XKR9: variants seen among roughly 807,000 people sequenced by gnomAD.
XKR9 encodes the protein XK-related protein 9.
XKR9 carries 32 observed loss-of-function variants against 32.0 expected under a neutral mutation model. That is an observed-to-expected ratio of 1.00 (90% CI 0.76 to 1.34). XKR9 has a LOEUF of 1.34. Among genes scored for constraint, XKR9 ranks in the 40% most tolerant of loss-of-function variants. The probability of loss-of-function intolerance (pLI) is 0.00; values close to 1 mark genes in which losing one functional copy is unlikely to be tolerated. For synonymous variants in XKR9, 168 were observed against 143.4 expected (o/e 1.17, Z -1.22); for missense variants, 546 against 429.7 (o/e 1.27, Z -2.39).
the XKR9 span, among the ~76,000 whole-genome samples, chr8:70,854,572 G>A: frequency 6.6e-6 from 1 of 152,132 alleles, no homozygotes; most frequent in Non-Finnish European, 1.5e-5. Context: ...ATTGCTTTCG[G>A]TGTTTTAGTC....
the XKR9 span, among the ~76,000 whole-genome samples, chr8:70,984,061 T>C: frequency 6.6e-6 from 1 of 152,202 alleles, no homozygotes; most frequent in Non-Finnish European, 1.5e-5. Context: ...GAAATTATCT[T>C]TATTTTTTGA....
chr8:70,960,249 C>T, the XKR9 span, among the ~76,000 whole-genome samples: 9 of 140,094 alleles, frequency 6.4e-5, no homozygotes, highest in East Asian at 1.8e-3. Context: ...CCGTCCCCCC[C>T]AAAAAAAAAA....
At chr8:70,706,817 T>C in intron 3 of XKR9, 116 bp from the exon 4 acceptor site, 1 of 846,888 alleles carries the variant, frequency 1.2e-6, no homozygotes, top group South Asian at 2.0e-5. Flanking sequence ...AGAGAGAGTT[T>C]GTGGAAAAAC....
the XKR9 span, among the ~76,000 whole-genome samples, chr8:70,811,944 G>A: frequency 1.3e-5 from 2 of 151,996 alleles, no homozygotes; most frequent in African/African-American, 2.4e-5. Context: ...CATTTTATGA[G>A]GCCAGCATCA....
At chr8:70,779,079 G>A (rs12542832) in intron 2 of XKR9, among the ~76,000 whole-genome samples, 16,467 of 152,142 alleles carry the variant, frequency 0.11, 1,418 homozygotes, top group Admixed American at 0.28. Context: ...GATATTGGCT[G>A]TGGGTTTGTC....
chr8:70,744,757 C>CTGTATAGAATGTATATAATATAGAATG (rs1554553503), intron 2 of XKR9, among the ~76,000 whole-genome samples: 10 of 150,952 alleles, frequency 6.6e-5, no homozygotes, highest in Non-Finnish European at 7.4e-5. Flanking sequence ...AGGTGTGCAC[C>CTGTATAGAATGTATATAATATAGAATG]ACCACGCCTG....
the XKR9 span, among the ~76,000 whole-genome samples, chr8:71,042,718 C>A: frequency 6.6e-6 from 1 of 152,020 alleles, no homozygotes; most frequent in African/African-American, 2.4e-5. Context: ...TTAACACATT[C>A]ACCTTTATGT....
chr8:70,847,216 A>T, the XKR9 span, among the ~76,000 whole-genome samples: 1 of 152,216 alleles, frequency 6.6e-6, no homozygotes, highest in South Asian at 2.1e-4. Flanking sequence ...AATACTTGGA[A>T]ATTAAATAAC....
chr8:70,836,899 G>GT, the XKR9 span, among the ~76,000 whole-genome samples: 1 of 152,006 alleles, frequency 6.6e-6, no homozygotes, highest in Non-Finnish European at 1.5e-5. Flanking sequence ...TTATTTTAAA[G>GT]TTTTTTAAAA....
chr8:70,956,008 A>G, the XKR9 span, among the ~76,000 whole-genome samples: 1 of 152,238 alleles, frequency 6.6e-6, no homozygotes, highest in Admixed American at 6.5e-5. Context: ...AGAAGGTGTC[A>G]CAACCCTGGC....
the XKR9 span, among the ~76,000 whole-genome samples, chr8:70,849,801 C>T: frequency 2.0e-5 from 3 of 152,078 alleles, no homozygotes; most frequent in African/African-American, 7.2e-5. Flanking sequence ...CCACTAATCC[C>T]ACAGAATTAC....
At chr8:70,841,484 C>CT in the XKR9 span, among the ~76,000 whole-genome samples, 35 of 152,284 alleles carry the variant, frequency 2.3e-4, no homozygotes, top group South Asian at 1.9e-3. Context: ...CCTGTGTTGT[C>CT]TTTATCTATT....
intron 2 of XKR9, among the ~76,000 whole-genome samples, chr8:70,769,047 G>T (rs536041531): frequency 1.9e-4 from 29 of 152,206 alleles, no homozygotes; most frequent in Middle Eastern, 6.8e-3. Context: ...ATTTTGGTAT[G>T]TTTTTATAGT....
the XKR9 span, among the ~76,000 whole-genome samples, chr8:70,985,940 A>G: frequency 6.6e-6 from 1 of 152,154 alleles, no homozygotes; most frequent in Non-Finnish European, 1.5e-5. Context: ...TTATAGTTGT[A>G]TTTATATCGA....
chr8:70,858,499 GA>G, the XKR9 span, among the ~76,000 whole-genome samples: 1 of 151,368 alleles, frequency 6.6e-6, no homozygotes, highest in African/African-American at 2.4e-5. Flanking sequence ...CACAGAAATA[GA>G]AAAAAAATCT....
chr8:70,722,244 T>C (rs1806308133), intron 4 of XKR9, among the ~76,000 whole-genome samples: 1 of 152,168 alleles, frequency 6.6e-6, no homozygotes, highest in Non-Finnish European at 1.5e-5. Flanking sequence ...TCTTGACTTT[T>C]TATCCAACTT....
chr8:70,956,074 C>T, the XKR9 span, among the ~76,000 whole-genome samples: 1 of 152,186 alleles, frequency 6.6e-6, no homozygotes, highest in African/African-American at 2.4e-5. Flanking sequence ...CTCTCCTTCT[C>T]ATCGCTTGCA....
At chr8:70,776,990 G>A (rs189475696) in intron 2 of XKR9, among the ~76,000 whole-genome samples, 2 of 115,310 alleles carry the variant, frequency 1.7e-5, no homozygotes, top group East Asian at 2.3e-4. Context: ...TAAGTTCTGA[G>A]GTACATAGGT....
At chr8:70,739,888 G>A, downstream of XKR9, among the ~76,000 whole-genome samples, 1 of 152,114 alleles carries the variant, frequency 6.6e-6, no homozygotes, top group Non-Finnish European at 1.5e-5. Flanking sequence ...TTTCTCTCTG[G>A]CTGCCCTTAA....
Sources: allele counts gnomAD v4.1 joint callset (sites outside exome capture counted in the v4.1 genomes callset), GRCh38; gene constraint gnomAD v4.1.1; transcripts MANE v1.5; gene names NCBI Gene and HGNC (gene_info 2026-07-23, HGNC 2026-07-21).